The following PSD3 variants were observed in gnomAD, a reference collection of about 807,000 sequenced individuals.
PSD3 encodes the protein PH and SEC7 domain-containing protein 3.
PSD3 carries 49 observed loss-of-function variants against 105.5 expected under a neutral mutation model. The ratio of observed to expected loss-of-function variants is 0.46; its 90% confidence interval spans 0.37 to 0.59. The LOEUF (loss-of-function observed/expected upper bound fraction) is 0.59, where lower values mean the gene tolerates loss of function less well. Among genes scored for constraint, PSD3 ranks in the 20% least tolerant of loss-of-function variants. The pLI is 0.00. For synonymous variants in PSD3, 557 were observed against 457.8 expected, an observed-to-expected ratio of 1.22 and a Z score of -2.77; for missense variants, 1,561 against 1,263.8, an observed-to-expected ratio of 1.24 and a Z score of -3.57.
At chr8:18,605,325 A>C (rs1432705399) in intron 11 of PSD3, among the ~76,000 whole-genome samples, 1 of 152,106 alleles carries the variant, frequency 6.6e-6, no homozygotes, top group Non-Finnish European at 1.5e-5. Flanking sequence ...GGATCTTTAA[A>C]ATTTAATGAC....
At chr8:18,694,565 G>A (rs943739694) in intron 9 of PSD3, among the ~76,000 whole-genome samples, 3 of 151,372 alleles carry the variant, frequency 2.0e-5, no homozygotes, top group East Asian at 1.9e-4. Context: ...AGCCGAGATC[G>A]TGCCACTGCA....
At chr8:18,688,259 T>G (rs979882674) in intron 9 of PSD3, among the ~76,000 whole-genome samples, 1 of 148,070 alleles carries the variant, frequency 6.8e-6, no homozygotes, top group African/African-American at 2.5e-5. Context: ...TCAGGCTGTT[T>G]GTTTGTTTGT....
At chr8:18,957,808 C>G (rs561306453) in intron 1 of PSD3, among the ~76,000 whole-genome samples, 1 of 152,130 alleles carries the variant, frequency 6.6e-6, no homozygotes, top group Non-Finnish European at 1.5e-5. Flanking sequence ...AATGAATGCA[C>G]TTGTGGGTGG....
intron 11 of PSD3, among the ~76,000 whole-genome samples, chr8:18,602,014 C>T (rs1209729017): frequency 2.0e-5 from 3 of 152,166 alleles, no homozygotes; most frequent in Non-Finnish European, 2.9e-5. Context: ...TACTGCTGTA[C>T]TTTTGCTTCA....
At chr8:18,658,232 T>C (rs1809044942) in intron 9 of PSD3, among the ~76,000 whole-genome samples, 1 of 152,234 alleles carries the variant, frequency 6.6e-6, no homozygotes, top group South Asian at 2.1e-4. Context: ...ATTTTCCTTG[T>C]TCTTTGTAGT....
chr8:19,073,792 CTTTTTCTTTTTT>C (rs1829352941), intron 1 of PSD3, among the ~76,000 whole-genome samples: 1 of 80,364 alleles, frequency 1.2e-5, no homozygotes, highest in Non-Finnish European at 3.5e-5. Context: ...GTGTTTTTTT[CTTTTTCTTTTTT>C]TTTTGAGACA....
chr8:18,753,277 C>A (rs932085300), intron 9 of PSD3, among the ~76,000 whole-genome samples: 1 of 151,746 alleles, frequency 6.6e-6, no homozygotes, highest in Non-Finnish European at 1.5e-5. Flanking sequence ...TCACTCGAAC[C>A]CAGGAGGTGG....
At chr8:18,583,246 C>G (rs552928691) in intron 12 of PSD3, among the ~76,000 whole-genome samples, 4 of 152,100 alleles carry the variant, frequency 2.6e-5, no homozygotes, top group African/African-American at 4.8e-5. Context: ...CAAGACCAGC[C>G]TGGGTAACGA....
At chr8:19,015,836 A>G (rs924888651), upstream of PSD3, among the ~76,000 whole-genome samples, 1 of 152,226 alleles carries the variant, frequency 6.6e-6, no homozygotes, top group African/African-American at 2.4e-5. Context: ...GAAGCCACAG[A>G]AATGTGTTTC....
In PSD3 at chr8:19,009,907, A is replaced by C. The variant is rs1826876240; in HGVS notation, c.21+3656T>G. The stretch of plus-strand genomic sequence containing the variant: ...TCTTGTGTCAACAACAACAACAGAA[A>C]AATCAGGACTTAACAAGAAACTTAG... On this transcript the variant is annotated intron_variant, in intron 1 of 15. Coordinates refer to ENST00000327040, the MANE Select transcript of PSD3 (RefSeq NM_015310.4). Among the ~76,000 whole-genome samples the C allele has an allele frequency of 2.0e-5, 3 of 152,128 alleles. No homozygotes were observed. The South Asian group carries it at 6.2e-4, about 32-fold the overall frequency.
chr8:18,696,926 C>T (rs1470189032), intron 9 of PSD3, among the ~76,000 whole-genome samples: 9 of 152,042 alleles, frequency 5.9e-5, no homozygotes, highest in Non-Finnish European at 1.2e-4. Flanking sequence ...CTTGTTTGCC[C>T]CATATATCCA....
chr8:18,923,373 A>G lies in PSD3; in HGVS notation c.130+12661T>C, dbSNP rs1158341668. Among the ~76,000 whole-genome samples, 5 of 152,218 alleles carry G rather than the reference A, an allele frequency of 3.3e-5. 1 individual carries two copies. On this transcript the variant is annotated intron_variant, in intron 2 of 15. Transcript: ENST00000327040. The stretch of plus-strand genomic sequence containing the variant: ...GTTGCCAGGCATCAGTTAATTCATT[A>G]GCATACAAAAAGACATACCACTTTG...
chr8:18,890,943 T>G (rs1008336714), intron 2 of PSD3, among the ~76,000 whole-genome samples: 1 of 152,148 alleles, frequency 6.6e-6, no homozygotes, highest in Non-Finnish European at 1.5e-5. Context: ...CCCTGTCACT[T>G]TCTAAGAAAC....
chr8:18,559,113 G>C (rs1224842460), intron 14 of PSD3, among the ~76,000 whole-genome samples: 1 of 152,080 alleles, frequency 6.6e-6, no homozygotes, highest in East Asian at 1.9e-4. Flanking sequence ...GTCTCCTAGG[G>C]AATCTGAGCA....
chr8:18,981,169 T>C lies in PSD3; in HGVS notation c.21+32394A>G, dbSNP rs552747817. ...GTAACATAAGGGTCCACCAGGACAC[T>C]GCTAGCCCTCAGCACCACATAATGG... On this transcript the variant is annotated intron_variant, in intron 1 of 15. Transcript: ENST00000327040. 5.3e-4 allele frequency among the ~76,000 whole-genome samples: 80 copies of C among 152,330 alleles called. 1 individual carries two copies. The highest frequency in any genetic ancestry group is 9.8e-4 in the Non-Finnish European group (67 of 68,036).
At chr8:18,839,155 A>C (rs1242977553) in intron 4 of PSD3, among the ~76,000 whole-genome samples, 5 of 152,026 alleles carry the variant, frequency 3.3e-5, no homozygotes, top group African/African-American at 9.7e-5. Flanking sequence ...GAAGAGCCGC[A>C]ATTGCTTCCC....
rs377745858 is a variant in PSD3 at position 18,834,273 on chromosome 8, G to A, written c.1635-29375C>T. Among the ~76,000 whole-genome samples, 120 of 152,178 alleles carry A rather than the reference G, an allele frequency of 7.9e-4. 2 individuals carry two copies. The South Asian group carries it at 0.024, about 31-fold the overall frequency. ...TGATTTAATTGAGCCTTGATTACAT[G>A]GCAACACCACTAAGCAAAATTAAAA... On this transcript the variant is annotated intron_variant, in intron 4 of 15. Transcript: ENST00000327040.
chr8:18,544,049 T>C (rs1800300809), intron 15 of PSD3, among the ~76,000 whole-genome samples: 1 of 151,958 alleles, frequency 6.6e-6, no homozygotes, highest in Non-Finnish European at 1.5e-5. Flanking sequence ...TACATTTCGT[T>C]TTCTCATGCA....
At chr8:18,827,427 G>A (rs1189392203) in intron 4 of PSD3, among the ~76,000 whole-genome samples, 2 of 152,218 alleles carry the variant, frequency 1.3e-5, no homozygotes, top group Admixed American at 6.5e-5. Context: ...GCGAAGATGG[G>A]GCAGTCAGAG....
Sources: gnomAD v4.1 joint callset for allele counts (sites outside exome capture counted in the v4.1 genomes callset) on GRCh38, gnomAD v4.1.1 for gene constraint, MANE v1.5 for transcripts, NCBI Gene and HGNC (gene_info 2026-07-23, HGNC 2026-07-21) for gene names.